Variants in MTERF4 observed in about 807,000 individuals in gnomAD.
MTERF4 encodes mitochondrial transcription termination factor 4.
In MTERF4, 17 loss-of-function variants were observed where a neutral mutation model predicts 22.5. The ratio of observed to expected loss-of-function variants is 0.75; its 90% CI spans 0.52 to 1.13. The LOEUF (loss-of-function observed/expected upper bound fraction) is 1.13, where lower values mean the gene tolerates loss of function less well. Ranked by LOEUF, MTERF4 falls within the 50% of genes most tolerant of loss-of-function variation. The pLI is 0.00. For synonymous variants in MTERF4, 165 were observed against 175.3 expected, an observed-to-expected ratio of 0.94 and a Z score of 0.47; for missense variants, 420 against 466.8, an observed-to-expected ratio of 0.90 and a Z score of 0.92.
At chr2:241,053,215 C>T in the MTERF4 span, 1 of 1,609,584 alleles carries the variant, frequency 6.2e-7, no homozygotes, top group Non-Finnish European at 8.5e-7. Context: ...CGGCACGCGG[C>T]TGGGCGCGGT....
At chr2:241,049,774 T>G in the MTERF4 span, 1 of 1,493,928 alleles carries the variant, frequency 6.7e-7, no homozygotes, top group Non-Finnish European at 9.3e-7. Flanking sequence ...CCCGCACAGA[T>G]GCGGCGTAAG....
downstream of MTERF4, among the ~76,000 whole-genome samples, chr2:241,070,743 G>A (rs962208727): frequency 2.0e-5 from 3 of 152,236 alleles, no homozygotes; most frequent in East Asian, 3.9e-4. Flanking sequence ...GGCTCCACCA[G>A]GGTCCCGAAC....
downstream of MTERF4, chr2:241,095,387 T>C (rs1383444196): frequency 2.0e-5 from 3 of 152,880 alleles, no homozygotes; most frequent in Admixed American, 2.0e-4. Flanking sequence ...ACTGCCAGCA[T>C]TTTGCTGGCC....
downstream of MTERF4, among the ~76,000 whole-genome samples, chr2:241,083,728 T>G (rs2063443188): frequency 6.6e-6 from 1 of 152,208 alleles, no homozygotes; most frequent in Non-Finnish European, 1.5e-5. Context: ...CCTGAAAGCA[T>G]TCTATCCTTT....
chr2:241,053,212 C>T, the MTERF4 span: 78 of 1,609,204 alleles, frequency 4.8e-5, no homozygotes, highest in Non-Finnish European at 5.9e-5. Context: ...CAACGGCACG[C>T]GGCTGGGCGC....
chr2:241,089,216 T>C, downstream of MTERF4: 1 of 1,355,698 alleles, frequency 7.4e-7, no homozygotes. Context: ...TGTCACTGCA[T>C]GAAAGATGAA....
downstream of MTERF4, chr2:241,071,767 C>T (rs1559296331): frequency 1.3e-6 from 2 of 1,566,660 alleles, no homozygotes; most frequent in Admixed American, 3.6e-5. Context: ...GGCGCTCGGA[C>T]TGTGGTGACC....
chr2:241,082,923 A>G (rs1402615284), downstream of MTERF4, among the ~76,000 whole-genome samples: 3 of 151,902 alleles, frequency 2.0e-5, no homozygotes, highest in African/African-American at 7.2e-5. Flanking sequence ...TGTGCCGGGC[A>G]CTGTCCATTT....
At chr2:241,088,663 A>C, downstream of MTERF4, 1 of 487,824 alleles carries the variant, frequency 2.0e-6, no homozygotes, top group Non-Finnish European at 3.6e-6. Flanking sequence ...GGCAAATCCC[A>C]CTCTCTCTCA....
chr2:241,049,101 C>T, the MTERF4 span: 1 of 1,612,140 alleles, frequency 6.2e-7, no homozygotes, highest in Admixed American at 1.7e-5. Context: ...GGAGCTACCT[C>T]TGCGTCTGCC....
downstream of MTERF4, chr2:241,071,523 A>G: frequency 6.5e-7 from 1 of 1,548,012 alleles, no homozygotes; most frequent in South Asian, 1.2e-5. Flanking sequence ...AGGGGCAGGG[A>G]CAGGAGCAGA....
At chr2:241,085,842 A>G (rs1233864560), downstream of MTERF4, among the ~76,000 whole-genome samples, 1 of 141,374 alleles carries the variant, frequency 7.1e-6, no homozygotes, top group Non-Finnish European at 1.5e-5. Context: ...GTTCTATGGC[A>G]TGGCCTTTCT....
chr2:241,077,205 T>C (rs2125276729), intron 4 of MTERF4, among the ~76,000 whole-genome samples: 1 of 152,300 alleles, frequency 6.6e-6, no homozygotes, highest in Non-Finnish European at 1.5e-5. Context: ...CTGGGACAGC[T>C]GGATATCCAC....
downstream of MTERF4, among the ~76,000 whole-genome samples, chr2:241,071,217 C>T (rs372455643): frequency 2.4e-4 from 37 of 152,302 alleles, 1 homozygote; most frequent in East Asian, 4.1e-3. Context: ...TGGGGAGAAG[C>T]ACTGTGTCTC....
At chr2:241,078,186 A>T (rs372091117) in intron 4 of MTERF4, among the ~76,000 whole-genome samples, 1 of 151,212 alleles carries the variant, frequency 6.6e-6, no homozygotes. Flanking sequence ...CGTTCGAGAC[A>T]AGTCTGGCCA....
intron 4 of MTERF4, chr2:241,081,759 C>A (rs1220716661): frequency 1.2e-6 from 2 of 1,602,702 alleles, no homozygotes; most frequent in Non-Finnish European, 8.5e-7. Flanking sequence ...GCTGTGACTG[C>A]GGGCCAGGGT....
At chr2:241,070,449 G>A (rs771788948), downstream of MTERF4, among the ~76,000 whole-genome samples, 3 of 152,234 alleles carry the variant, frequency 2.0e-5, no homozygotes, top group Admixed American at 6.5e-5. Flanking sequence ...AGTTTGTGCC[G>A]GACCCTCCCG....
chr2:241,087,831 C>T, downstream of MTERF4: 3 of 583,178 alleles, frequency 5.1e-6, no homozygotes, highest in Non-Finnish European at 7.8e-6. Context: ...TATTCACTCA[C>T]ACCCAGGTTC....
At chr2:241,082,739 C>G (rs1399395902), downstream of MTERF4, among the ~76,000 whole-genome samples, 1 of 152,224 alleles carries the variant, frequency 6.6e-6, no homozygotes, top group East Asian at 1.9e-4. Context: ...ATGAGAATGC[C>G]GGCCCCAGTT....
Sources: gnomAD v4.1 joint callset for allele counts (sites outside exome capture counted in the v4.1 genomes callset) on GRCh38, gnomAD v4.1.1 for gene constraint, MANE v1.5 for transcripts, NCBI Gene and HGNC (gene_info 2026-07-23, HGNC 2026-07-21) for gene names.